Variants in SPECC1L observed in about 807,000 individuals in gnomAD.
SPECC1L encodes cytospin-A.
Under a neutral mutation model 116.8 loss-of-function variants are expected in SPECC1L, and 40 were observed. That is an observed-to-expected ratio of 0.34 (90% CI 0.27 to 0.45). The LOEUF is 0.45. SPECC1L is among the 20% of genes least tolerant of loss of function. The pLI is 1.00. For synonymous variants in SPECC1L, 504 were observed against 500.6 expected (o/e 1.01, Z -0.09); for missense variants, 1,110 against 1,373.6 (o/e 0.81, Z 3.03).
At chr22:24,301,483 C>T (rs1020792872) in intron 2 of SPECC1L, among the ~76,000 whole-genome samples, 13 of 152,142 alleles carry the variant, frequency 8.5e-5, no homozygotes, top group African/African-American at 2.9e-4. Context: ...GCCTAACCTA[C>T]CTTAAACATG....
chr22:24,393,411 TTC>T (rs1569446625), intron 14 of SPECC1L, among the ~76,000 whole-genome samples: 1 of 151,952 alleles, frequency 6.6e-6, no homozygotes, highest in East Asian at 1.9e-4. Flanking sequence ...CTGCAGGACT[TTC>T]TAGTGATTCA....
intron 6 of SPECC1L, among the ~76,000 whole-genome samples, chr22:24,327,289 A>C (rs1344283048): frequency 2.0e-5 from 3 of 146,538 alleles, no homozygotes; most frequent in African/African-American, 5.4e-5. Flanking sequence ...AAAAAAAAAA[A>C]AAAAAAAAAA....
At chr22:24,407,269 T>G (rs1033790189) in intron 14 of SPECC1L, among the ~76,000 whole-genome samples, 1 of 152,254 alleles carries the variant, frequency 6.6e-6, no homozygotes, top group African/African-American at 2.4e-5. Context: ...AAGAAGCCAT[T>G]GTTTTCTTCC....
chr22:24,354,551 T>C (rs994643495), intron 11 of SPECC1L, among the ~76,000 whole-genome samples: 2 of 152,152 alleles, frequency 1.3e-5, no homozygotes, highest in African/African-American at 2.4e-5. Context: ...GCTTTCTCAA[T>C]GCACCTTCCC....
intron 2 of SPECC1L, among the ~76,000 whole-genome samples, chr22:24,295,960 G>A (rs967373646): frequency 3.3e-5 from 5 of 152,208 alleles, no homozygotes; most frequent in African/African-American, 1.2e-4. Context: ...AAAACAAAAA[G>A]TATACCAGCA....
intron 2 of SPECC1L, among the ~76,000 whole-genome samples, chr22:24,294,434 T>G (rs193183880): frequency 6.7e-6 from 1 of 150,084 alleles, no homozygotes; most frequent in East Asian, 2.0e-4. Context: ...CAGGCTGGAG[T>G]GCAGCGGCAC....
At position 24,367,285 on chromosome 22, in the gene SPECC1L, T is replaced by C. The variant is rs372148472; in HGVS notation, c.2984+1653T>C. The stretch of plus-strand genomic sequence containing the variant: ...TTGCATCCATTCACATAACTGTGTC[T>C]TTCTCTTTCCCTGTGGTTTAGTGAT... On this transcript the variant is annotated intron_variant, in intron 13 of 16. Coordinates refer to ENST00000314328, the MANE Select transcript of SPECC1L (RefSeq NM_015330.6). Among the ~76,000 whole-genome samples, 88 of 152,368 alleles carry C rather than the reference T, an allele frequency of 5.8e-4. 1 individual carries two copies. In the South Asian group the frequency reaches 0.015, roughly 26 times the overall value.
chr22:24,375,997 T>C (rs566203639), intron 14 of SPECC1L, among the ~76,000 whole-genome samples: 15 of 152,158 alleles, frequency 9.9e-5, no homozygotes, highest in African/African-American at 3.6e-4. Flanking sequence ...ACCCACAGTT[T>C]TAACATTATA....
chr22:24,330,267 G>T lies in SPECC1L; in HGVS notation c.2232G>T (p.Ala744=). 6.2e-7 allele frequency: 1 copy of T among 1,614,052 alleles called. No homozygotes were observed. Among genetic ancestry groups the T allele is most frequent in the Non-Finnish European group, 8.5e-7 (1 of 1,180,010 alleles). Residue 744 remains alanine (A), a synonymous_variant, in exon 8 of 17, where the codon GCG becomes GCT. Transcript: ENST00000314328. ...TLHRRLREES[A]EWRQFQADLQ... Reference sequence around the variant, plus strand: ...GTTTTTTAATATAGGAAGAATCTGCGGAATGGCGGCAGTTTCAGGCTGATC... The same window carrying T: ...GTTTTTTAATATAGGAAGAATCTGCTGAATGGCGGCAGTTTCAGGCTGATC...
chr22:24,297,705 G>C (rs544744802), intron 2 of SPECC1L, among the ~76,000 whole-genome samples: 4 of 152,276 alleles, frequency 2.6e-5, no homozygotes, highest in African/African-American at 9.6e-5. Context: ...ACAAACAGTT[G>C]GTACGTTTTA....
chr22:24,321,955 C>T lies in SPECC1L; in HGVS notation c.975C>T (p.Leu325=), dbSNP rs1231430311. The change falls in exon 5 of 17, where the codon CTC becomes CTT. Residue 325 remains leucine, a synonymous_variant. Coordinates refer to ENST00000314328, the MANE Select transcript of SPECC1L (RefSeq NM_015330.6). ...EGSAPGSVED[L]LSQDENTLMD... is the part of the protein sequence containing the mutation. ...CTGCCCCTGGCTCAGTGGAGGATCT[C>T]TTGAGTCAGGATGAAAATACACTAA... The T allele has an allele frequency of 6.2e-7, 1 of 1,614,068 alleles. No homozygotes were observed. Among genetic ancestry groups the T allele is most frequent in the Non-Finnish European group, 8.5e-7 (1 of 1,180,032 alleles).
chr22:24,337,590 C>T (rs928764035), intron 9 of SPECC1L, among the ~76,000 whole-genome samples: 1 of 152,134 alleles, frequency 6.6e-6, no homozygotes, highest in Non-Finnish European at 1.5e-5. Flanking sequence ...TGAATTTTGT[C>T]TCAGTACATA....
intron 2 of SPECC1L, among the ~76,000 whole-genome samples, chr22:24,297,720 G>A (rs1029247527): frequency 5.3e-5 from 8 of 152,168 alleles, no homozygotes; most frequent in African/African-American, 1.9e-4. Context: ...GTTTTAAATT[G>A]TGGACTGTTC....
rs111320030 is a variant in SPECC1L, at chr22:24,402,601, T to C, written c.3088-8987T>C. 2.0e-5 allele frequency among the ~76,000 whole-genome samples: 3 copies of C among 152,204 alleles called. 1 individual carries two copies. The highest frequency in any genetic ancestry group is 4.8e-5 in the African/African-American group (2 of 41,540). On this transcript the variant is annotated intron_variant, in intron 14 of 16. Transcript: ENST00000314328. ...GTTGCAGCTTAACAGTGTGGTGTCC[T>C]TGTGAAGCTGGAGGACCAGTGAGGA...
At chr22:24,315,723 T>G (rs2040548878) in intron 4 of SPECC1L, among the ~76,000 whole-genome samples, 1 of 152,250 alleles carries the variant, frequency 6.6e-6, no homozygotes, top group Non-Finnish European at 1.5e-5. Flanking sequence ...TATTTTATTT[T>G]GCTGGGGATG....
chr22:24,399,453 C>T (rs2146770909), intron 14 of SPECC1L, among the ~76,000 whole-genome samples: 1 of 152,106 alleles, frequency 6.6e-6, no homozygotes, highest in South Asian at 2.1e-4. Flanking sequence ...GCTTGTAGTC[C>T]CAGCTGCTCA....
chr22:24,326,954 T>C (rs1340556162), intron 6 of SPECC1L, among the ~76,000 whole-genome samples: 1 of 152,164 alleles, frequency 6.6e-6, no homozygotes, highest in Non-Finnish European at 1.5e-5. Context: ...CTAGGCTCTA[T>C]GTTGTTAAAG....
At chr22:24,323,080 G>C in intron 5 of SPECC1L, 162 bp downstream of exon 5, 1 of 983,606 alleles carries the variant, frequency 1.0e-6, no homozygotes, top group Non-Finnish European at 1.2e-6. Context: ...TATTGGAATA[G>C]TGTGAAAAGT....
intron 1 of SPECC1L, among the ~76,000 whole-genome samples, chr22:24,272,487 A>C (rs1053792828): frequency 2.6e-5 from 4 of 152,168 alleles, no homozygotes; most frequent in African/African-American, 7.2e-5. Context: ...AGCCTGGCCA[A>C]CATGGTGAAA....
Sources: gnomAD v4.1 joint callset for allele counts (sites outside exome capture counted in the v4.1 genomes callset) on GRCh38, gnomAD v4.1.1 for gene constraint, MANE v1.5 for transcripts, NCBI Gene and HGNC (gene_info 2026-07-23, HGNC 2026-07-21) for gene names.